The following SHANK2 variants were observed in gnomAD, a reference collection of about 807,000 sequenced individuals.
The protein encoded by SHANK2 is SH3 and multiple ankyrin repeat domains protein 2.
SHANK2 carries 43 observed loss-of-function variants against 133.7 expected under a neutral mutation model. That is an observed-to-expected ratio of 0.32 (90% CI 0.25 to 0.41). The LOEUF is 0.41. Among genes scored for constraint, SHANK2 ranks in the 10% least tolerant of loss-of-function variants. SHANK2 has a pLI of 1.00. For synonymous variants in SHANK2, 1,017 were observed against 952.8 expected (o/e 1.07, Z -1.24); for missense variants, 1,994 against 2,235.8 (o/e 0.89, Z 2.18).
intron 15 of SHANK2, chr11:70,667,986 G>T (rs781995001): frequency 6.6e-6 from 1 of 152,138 alleles, no homozygotes; most frequent in Admixed American, 6.5e-5. Context: ...GTGTCAAGCC[G>T]CCGTGTAAAT....
chr11:70,948,636 G>A (rs781942308), intron 10 of SHANK2, among the ~76,000 whole-genome samples: 2 of 152,204 alleles, frequency 1.3e-5, no homozygotes, highest in Admixed American at 6.5e-5. Context: ...GGGCCACGAC[G>A]CTGCAACGTG....
At chr11:70,673,306 A>G (rs1944850209) in intron 15 of SHANK2, among the ~76,000 whole-genome samples, 1 of 152,118 alleles carries the variant, frequency 6.6e-6, no homozygotes, top group East Asian at 1.9e-4. Context: ...AAAAAAAAAA[A>G]ATCAGGGGAA....
chr11:71,196,130 A>C (rs1218575399), intron 2 of SHANK2, among the ~76,000 whole-genome samples: 2 of 152,114 alleles, frequency 1.3e-5, no homozygotes, highest in African/African-American at 4.8e-5. Context: ...CTGCGGCTGC[A>C]GTGAGCCATG....
intron 17 of SHANK2, among the ~76,000 whole-genome samples, chr11:70,640,195 T>C (rs1038763890): frequency 6.6e-6 from 1 of 152,192 alleles, no homozygotes; most frequent in Non-Finnish European, 1.5e-5. Context: ...CTCACAGACA[T>C]AATTAAGTTA....
Position 71,110,012 on chromosome 11 carries a change from C to A in SHANK2, c.521G>T (p.Arg174Leu), listed in dbSNP as rs528418101. 12 of 1,551,426 alleles carry A rather than the reference C, an allele frequency of 7.7e-6. No individual in the cohort carries two copies. Among genetic ancestry groups the A allele is most frequent in the South Asian group, 1.2e-5 (1 of 84,054 alleles). ...CATCTTGGTGATCTTCTCCACCAAG[C>A]GATGCTGAATGTGATCCATGCATTT... ...LKKCMDHIQH[R>L]LVEKITKMLD... The change falls in exon 6 of 26, where the codon CGC becomes CTC. Residue 174 changes from arginine to leucine, a missense_variant. This residue lies in a region of SHANK2 where 653 missense variants were observed against 563.4 expected (regional missense o/e 1.16). Coordinates refer to ENST00000601538, the MANE Select transcript of SHANK2 (RefSeq NM_012309.5).
intron 17 of SHANK2, among the ~76,000 whole-genome samples, chr11:70,599,302 A>G (rs1444692419): frequency 1.3e-5 from 2 of 152,106 alleles, no homozygotes; most frequent in Non-Finnish European, 2.9e-5. Flanking sequence ...GATACTTAAA[A>G]AACCAGTTTG....
chr11:70,654,335 C>T (rs2061377475), intron 17 of SHANK2: 1 of 152,164 alleles, frequency 6.6e-6, no homozygotes, highest in Non-Finnish European at 1.5e-5. Flanking sequence ...ACATTTGTCT[C>T]CTCTGTGAGA....
Position 70,471,644 on chromosome 11 carries a change from G to T in SHANK2, c.*1225C>A, listed in dbSNP as rs1204903295. On this transcript the variant is annotated 3_prime_UTR_variant, in exon 26 of 26. Transcript: ENST00000601538. This position sits in a 1 kb window ranked among gnomAD's most constrained non-coding sequence, Gnocchi z 4.1. ...ACTCCATACCCACTGGGTCCTCAAA[G>T]AAGCTGTTGTACTGTTAAGACAAGC... The T allele has an allele frequency of 2.7e-6, 1 of 373,364 alleles. No individual in the cohort carries two copies. The highest frequency in any genetic ancestry group is 4.7e-6 in the Non-Finnish European group (1 of 211,040). 23.1% of individuals were successfully genotyped at this position (373,364 alleles called of 1,614,324 possible).
chr11:70,730,745 C>G (rs534311478), intron 14 of SHANK2, among the ~76,000 whole-genome samples: 1 of 152,266 alleles, frequency 6.6e-6, no homozygotes, highest in Admixed American at 6.5e-5. Context: ...CTTCTCTGGA[C>G]TCCATGTCTT....
chr11:70,829,177 C>G (rs1410089120), intron 11 of SHANK2, among the ~76,000 whole-genome samples: 1 of 152,196 alleles, frequency 6.6e-6, no homozygotes, highest in South Asian at 2.1e-4. Flanking sequence ...CAAAATGGAG[C>G]CTTTTTCCCC....
Position 70,791,232 on chromosome 11 carries a change from G to A in SHANK2, c.1777+7211C>T, listed in dbSNP as rs541858645. On this transcript the variant is annotated intron_variant, in intron 14 of 25. Transcript: ENST00000601538. ...ACCACCCAACCTCCTTTTCACAAAC[G>A]CGGTGGGCCAACTGACATGCACTCT... Among the ~76,000 whole-genome samples the A allele has an allele frequency of 3.3e-5, 5 of 152,228 alleles. No homozygotes were observed. In the South Asian group the frequency reaches 1.0e-3, roughly 32 times the overall value.
At chr11:70,802,089 C>T (rs994400192) in intron 13 of SHANK2, among the ~76,000 whole-genome samples, 2 of 152,138 alleles carry the variant, frequency 1.3e-5, no homozygotes, top group Admixed American at 6.5e-5. Flanking sequence ...AGGCACTGCA[C>T]CCAGGGCATG....
rs1378814848 is a variant in SHANK2, at chr11:71,219,710, G to A, written c.-13+4987C>T. 2.0e-5 allele frequency among the ~76,000 whole-genome samples: 3 copies of A among 151,986 alleles called. No homozygotes were observed. The East Asian group carries it at 5.8e-4, about 30-fold the overall frequency. On this transcript the variant is annotated intron_variant, in intron 2 of 25. Transcript: ENST00000601538. ...GTTCAATATTAGCCTGGGCAACATG[G>A]TAAAATCCCGTCTCTACTAAACAAA...
intron 2 of SHANK2, among the ~76,000 whole-genome samples, chr11:71,192,356 G>A (rs549310312): frequency 6.6e-6 from 1 of 152,338 alleles, no homozygotes; most frequent in Admixed American, 6.5e-5. Context: ...CATGACCTGT[G>A]GTGACGGGGC....
intron 8 of SHANK2, among the ~76,000 whole-genome samples, chr11:71,084,218 G>A (rs1191032855): frequency 1.3e-5 from 2 of 152,076 alleles, no homozygotes; most frequent in Non-Finnish European, 1.5e-5. Flanking sequence ...TGATCTGCCC[G>A]CCTTGGTCTC....
rs1033700472 is a variant in SHANK2, at chr11:71,058,940, C to T, written c.1030-2382G>A. On this transcript the variant is annotated intron_variant, in intron 9 of 25. Transcript: ENST00000601538. ...TTTGAAAGAGAGCTGATTGGTTGGG[C>T]GCGGTGGCTCACGTCTGTAATCCCA... Among the ~76,000 whole-genome samples the T allele has an allele frequency of 5.2e-3, 788 of 152,296 alleles. 9 individuals carry two copies. Among genetic ancestry groups the T allele is most frequent in the African/African-American group, 0.018 (739 of 41,562 alleles).
chr11:70,733,909 C>T (rs1016909321), intron 14 of SHANK2, among the ~76,000 whole-genome samples: 7 of 152,172 alleles, frequency 4.6e-5, no homozygotes, highest in Admixed American at 1.3e-4. Flanking sequence ...CTTGCTACCC[C>T]TGGGTGCCTT....
At chr11:70,744,416 T>G (rs1314431464) in intron 14 of SHANK2, among the ~76,000 whole-genome samples, 2 of 152,182 alleles carry the variant, frequency 1.3e-5, no homozygotes, top group African/African-American at 4.8e-5. Flanking sequence ...CGCTCTGCAA[T>G]GTGAGCCTGC....
At chr11:70,550,242 C>T (rs556604860) in intron 17 of SHANK2, among the ~76,000 whole-genome samples, 1 of 152,268 alleles carries the variant, frequency 6.6e-6, no homozygotes, top group East Asian at 1.9e-4. Flanking sequence ...GAAGGGGACA[C>T]ATCCCTGCCA....
Sources: gnomAD v4.1 joint callset for allele counts (sites outside exome capture counted in the v4.1 genomes callset) on GRCh38, gnomAD v4.1.1 for gene constraint, gnomAD v4.1.1 regional missense constraint, Gnocchi (gnomAD v3.1) non-coding constraint, MANE v1.5 for transcripts, NCBI Gene and HGNC (gene_info 2026-07-23, HGNC 2026-07-21) for gene names.